Variants in COMMD10 observed in about 807,000 individuals in gnomAD.
The protein encoded by COMMD10 is COMM domain-containing protein 10.
In COMMD10, 33 loss-of-function variants were observed where a neutral mutation model predicts 28.9. That is an observed-to-expected ratio of 1.14 (90% CI 0.87 to 1.53). The LOEUF (loss-of-function observed/expected upper bound fraction) is 1.53, where lower values mean the gene tolerates loss of function less well. COMMD10 is among the 40% of genes most tolerant of loss of function. The probability of loss-of-function intolerance (pLI) is 0.00; values close to 1 mark genes in which losing one functional copy is unlikely to be tolerated. For synonymous variants in COMMD10, 110 were observed against 81.7 expected, an observed-to-expected ratio of 1.35 and a Z score of -1.87; for missense variants, 310 against 233.4, an observed-to-expected ratio of 1.33 and a Z score of -2.14.
intron 5 of COMMD10, among the ~76,000 whole-genome samples, chr5:116,181,931 G>C (rs1382808140): frequency 1.3e-5 from 2 of 152,052 alleles, no homozygotes; most frequent in Non-Finnish European, 2.9e-5. Context: ...GAGTAGGATA[G>C]ACATAGCTCC....
chr5:116,089,104 G>A (rs1750215303), intron 2 of COMMD10, among the ~76,000 whole-genome samples: 1 of 150,868 alleles, frequency 6.6e-6, no homozygotes, highest in African/African-American at 2.4e-5. Flanking sequence ...CAATGATAGC[G>A]GCAACATTCT....
chr5:116,261,305 T>TG (rs1360376251), intron 5 of COMMD10, among the ~76,000 whole-genome samples: 1 of 151,646 alleles, frequency 6.6e-6, no homozygotes, highest in Non-Finnish European at 1.5e-5. Flanking sequence ...AGATGAAAAT[T>TG]GTAGATGTGA....
At chr5:116,251,342 G>A (rs1458227716) in intron 5 of COMMD10, among the ~76,000 whole-genome samples, 10 of 147,684 alleles carry the variant, frequency 6.8e-5, no homozygotes, top group Non-Finnish European at 1.5e-4. Flanking sequence ...TGCACATTGT[G>A]CAGGTTAGTT....
intron 5 of COMMD10, among the ~76,000 whole-genome samples, chr5:116,283,310 A>T (rs1751123835): frequency 1.3e-5 from 2 of 151,712 alleles, no homozygotes. Flanking sequence ...GTGTGTATGT[A>T]TATCAATATC....
intron 5 of COMMD10, among the ~76,000 whole-genome samples, chr5:116,186,039 C>T (rs577712924): frequency 6.6e-6 from 1 of 152,176 alleles, no homozygotes; most frequent in South Asian, 2.1e-4. Flanking sequence ...GGGTTCGACC[C>T]CTTTTAATCA....
At chr5:116,211,786 G>C (rs548211024) in intron 5 of COMMD10, among the ~76,000 whole-genome samples, 2 of 151,872 alleles carry the variant, frequency 1.3e-5, no homozygotes, top group Non-Finnish European at 2.9e-5. Context: ...ACATGCACAC[G>C]CACACTCTCT....
chr5:116,153,893 C>A (rs556566958), intron 5 of COMMD10, among the ~76,000 whole-genome samples: 2 of 152,014 alleles, frequency 1.3e-5, no homozygotes, highest in East Asian at 1.9e-4. Flanking sequence ...GAGAATTGTT[C>A]CTGTTTTTTT....
At chr5:116,252,982 G>A (rs1240892141) in intron 5 of COMMD10, among the ~76,000 whole-genome samples, 230 of 84,252 alleles carry the variant, frequency 2.7e-3, no homozygotes, top group African/African-American at 0.013. Context: ...TCGTTGAGCA[G>A]TGGTTTGTAG....
Position 116,110,614 on chromosome 5 carries a change from C to T in COMMD10, c.399+17914C>T, listed in dbSNP as rs754565929. On this transcript the variant is annotated intron_variant, in intron 4 of 6. Coordinates refer to ENST00000274458, the MANE Select transcript of COMMD10 (RefSeq NM_016144.4). ...GAGGTTGTGTATTAGTCTGTTCTTA[C>T]ATTGCTACACAGAAATACCTGTGAC... 4.6e-5 allele frequency among the ~76,000 whole-genome samples: 7 copies of T among 152,262 alleles called. No homozygotes were observed. In the South Asian group the frequency reaches 1.2e-3, roughly 27 times the overall value.
At chr5:116,130,470 A>C (rs555607226) in intron 4 of COMMD10, among the ~76,000 whole-genome samples, 2 of 152,082 alleles carry the variant, frequency 1.3e-5, no homozygotes, top group African/African-American at 2.4e-5. Flanking sequence ...GACGTTTGTT[A>C]TGTCAGTCAT....
intron 4 of COMMD10, among the ~76,000 whole-genome samples, chr5:116,132,327 T>C (rs1344531796): frequency 6.6e-6 from 1 of 152,140 alleles, no homozygotes; most frequent in Non-Finnish European, 1.5e-5. Flanking sequence ...TTTATTTCCA[T>C]TTTATATGAG....
At chr5:116,100,355 C>T (rs1414035526) in intron 4 of COMMD10, among the ~76,000 whole-genome samples, 2 of 152,046 alleles carry the variant, frequency 1.3e-5, no homozygotes, top group Admixed American at 6.6e-5. Flanking sequence ...AAAAGTGATA[C>T]GCTTTTGGTG....
chr5:116,121,483 T>C (rs570844361), intron 4 of COMMD10, among the ~76,000 whole-genome samples: 7 of 152,358 alleles, frequency 4.6e-5, no homozygotes, highest in African/African-American at 1.7e-4. Context: ...TTATAATCCT[T>C]TGGGTATATA....
intron 5 of COMMD10, among the ~76,000 whole-genome samples, chr5:116,259,401 A>G (rs543330818): frequency 6.6e-6 from 1 of 150,932 alleles, no homozygotes; most frequent in Non-Finnish European, 1.5e-5. Context: ...TCTGTGTGCT[A>G]TCTTTTCAAA....
chr5:116,269,457 C>G (rs1020304151), intron 5 of COMMD10, among the ~76,000 whole-genome samples: 5 of 151,630 alleles, frequency 3.3e-5, no homozygotes, highest in Non-Finnish European at 5.9e-5. Flanking sequence ...GTTATATTGA[C>G]TTTTAGATTT....
At chr5:116,109,687 G>A (rs941223496) in intron 4 of COMMD10, among the ~76,000 whole-genome samples, 1 of 152,186 alleles carries the variant, frequency 6.6e-6, no homozygotes, top group Non-Finnish European at 1.5e-5. Flanking sequence ...CAACTAGATT[G>A]TTACTGGTGT....
intron 5 of COMMD10, among the ~76,000 whole-genome samples, chr5:116,184,124 T>G (rs557146172): frequency 5.9e-5 from 9 of 152,132 alleles, no homozygotes; most frequent in African/African-American, 2.2e-4. Flanking sequence ...TTTATAGATC[T>G]CACATTGTTT....
At chr5:116,238,684 A>C (rs1749740098) in intron 5 of COMMD10, among the ~76,000 whole-genome samples, 1 of 152,154 alleles carries the variant, frequency 6.6e-6, no homozygotes, top group African/African-American at 2.4e-5. Context: ...TAAGACATAA[A>C]AATCTATTTC....
intron 5 of COMMD10, among the ~76,000 whole-genome samples, chr5:116,255,279 G>A (rs1353421433): frequency 6.6e-6 from 1 of 151,644 alleles, no homozygotes; most frequent in African/African-American, 2.4e-5. Context: ...CTTTTAGTTG[G>A]AGCATTTAGT....
Sources: allele counts gnomAD v4.1 joint callset (sites outside exome capture counted in the v4.1 genomes callset), GRCh38; gene constraint gnomAD v4.1.1; transcripts MANE v1.5; gene names NCBI Gene and HGNC (gene_info 2026-07-23, HGNC 2026-07-21).